The following LRRK2 variants were observed in gnomAD, a reference collection of about 807,000 sequenced individuals.
LRRK2 encodes the protein leucine rich repeat kinase 2, also known as leucine-rich repeat serine/threonine-protein kinase 2.
In LRRK2, 203 loss-of-function variants were observed where a neutral mutation model predicts 302.6. The ratio of observed to expected loss-of-function variants is 0.67; its 90% CI spans 0.60 to 0.75. The LOEUF is 0.75. Among genes scored for constraint, LRRK2 ranks in the 30% least tolerant of loss-of-function variants. The probability of loss-of-function intolerance (pLI) is 0.00; values close to 1 mark genes in which losing one functional copy is unlikely to be tolerated. For synonymous variants in LRRK2, 1,066 were observed against 1,031.9 expected (o/e 1.03, Z -0.63); for missense variants, 2,830 against 2,951.0 (o/e 0.96, Z 0.95).
chr12:40,273,954 G>A (rs551750020), intron 14 of LRRK2, among the ~76,000 whole-genome samples: 4 of 152,182 alleles, frequency 2.6e-5, no homozygotes, highest in East Asian at 3.9e-4. Flanking sequence ...GGATGATGTC[G>A]TAATTAAGAT....
At chr12:40,342,053 C>T (rs1946060765) in intron 41 of LRRK2, among the ~76,000 whole-genome samples, 1 of 152,190 alleles carries the variant, frequency 6.6e-6, no homozygotes, top group African/African-American at 2.4e-5. Context: ...CTGGACCACT[C>T]AGTTTCTTCT....
At chr12:40,282,508 A>G (rs1429638745) in intron 18 of LRRK2, among the ~76,000 whole-genome samples, 3 of 152,164 alleles carry the variant, frequency 2.0e-5, no homozygotes, top group Non-Finnish European at 2.9e-5. Context: ...TTCTTCAAGA[A>G]TGAACACCTT....
In LRRK2 at chr12:40,351,563, G is replaced by T. The variant is rs748336859; in HGVS notation, c.6406G>T (p.Glu2136Ter). 1.2e-6 allele frequency: 2 copies of T among 1,614,118 alleles called. No homozygotes were observed. The highest frequency in any genetic ancestry group is 1.7e-6 in the Non-Finnish European group (2 of 1,180,026). ...AQVFDILNSA[E>*]LVCLTRRILL... ...GGTCTTTGACATTTTGAATTCAGCT[G>T]AATTAGTCTGTCTGACGAGACGCAT... Residue 2136 changes from glutamate to a stop codon, truncating the protein, a stop_gained, in exon 44 of 51, where the codon GAA becomes TAA. Coordinates refer to ENST00000298910, the MANE Select transcript of LRRK2 (RefSeq NM_198578.4). LOFTEE classifies it high-confidence loss of function.
chr12:40,326,577 A>G (rs1054888969), intron 38 of LRRK2, among the ~76,000 whole-genome samples: 1 of 151,932 alleles, frequency 6.6e-6, no homozygotes, highest in African/African-American at 2.4e-5. Context: ...CTGCATTGCA[A>G]TTTTTCTTTG....
chr12:40,231,117 G>T (rs192395355), intron 2 of LRRK2, among the ~76,000 whole-genome samples: 1 of 152,040 alleles, frequency 6.6e-6, no homozygotes, highest in Admixed American at 6.5e-5. Flanking sequence ...TTCATTACTT[G>T]GGGAGCAGCC....
At chr12:40,315,441 C>T in intron 33 of LRRK2, 141 bp downstream of exon 33, 1 of 725,992 alleles carries the variant, frequency 1.4e-6, no homozygotes, top group Non-Finnish European at 2.5e-6. Flanking sequence ...GAACATTTCA[C>T]ATAGAAGACT....
intron 10 of LRRK2, among the ~76,000 whole-genome samples, chr12:40,252,594 A>G (rs2136484057): frequency 6.6e-6 from 1 of 152,266 alleles, no homozygotes; most frequent in Admixed American, 6.5e-5. Context: ...TACAATTTTC[A>G]GTTTTTCCTC....
intron 48 of LRRK2, among the ~76,000 whole-genome samples, chr12:40,364,006 C>A (rs1289962306): frequency 6.6e-6 from 1 of 151,920 alleles, no homozygotes; most frequent in East Asian, 1.9e-4. Flanking sequence ...ATCAAGACCC[C>A]AGAATGAGAG....
Position 40,348,465 on chromosome 12 carries a change from C to G in LRRK2, c.6337C>G (p.Gln2113Glu), listed in dbSNP as rs201513336. ...PWPMVEKLIK[Q>E]CLKENPQERP... The stretch of plus-strand genomic sequence containing the variant: ...GCCTATGGTTGAGAAATTAATTAAA[C>G]AGTGTTTGAAAGAAAATCCTCAAGA... Residue 2113 changes from glutamine to glutamate, a missense_variant, in exon 43 of 51, where the codon CAG (glutamine) becomes GAG (glutamate). Around this residue, in one of 3 missense-constraint regions of LRRK2, gnomAD observed 253 missense variants for 346.7 expected, o/e 0.73. Coordinates refer to ENST00000298910, the MANE Select transcript of LRRK2 (RefSeq NM_198578.4). 1 of 1,612,952 alleles carries G rather than the reference C, an allele frequency of 6.2e-7. No individual in the cohort carries two copies. The highest frequency in any genetic ancestry group is 8.5e-7 in the Non-Finnish European group (1 of 1,179,230).
At position 40,263,840 on chromosome 12, in the gene LRRK2, T is replaced by C; in HGVS notation, c.1595T>C (p.Met532Thr). Residue 532 changes from methionine to threonine, a missense_variant, in exon 14 of 51, where the codon ATG (methionine) becomes ACG (threonine). Met to Thr is a moderately conservative substitution (Grantham distance 81, BLOSUM62 -1). Transcript: ENST00000298910. Reference sequence around the variant, plus strand: ...ACAGAATTTCATCATAAGCTAAATATGGTTAAAAAACAGTGTTTCAAGAAT... The same window carrying C: ...ACAGAATTTCATCATAAGCTAAATACGGTTAAAAAACAGTGTTTCAAGAAT... ...EDTEFHHKLN[M>T]VKKQCFKNDI... is the part of the protein sequence containing the mutation. 6.2e-7 allele frequency: 1 copy of C among 1,613,260 alleles called. No homozygotes were observed. The highest frequency in any genetic ancestry group is 8.5e-7 in the Non-Finnish European group (1 of 1,179,492).
intron 43 of LRRK2, 88 bp downstream of exon 43, chr12:40,348,597 C>A: frequency 1.2e-6 from 1 of 808,036 alleles, no homozygotes; most frequent in Non-Finnish European, 2.1e-6. Context: ...TATACTTAAA[C>A]ACATAAACAC....
At chr12:40,283,802 G>A (rs577626206) in intron 18 of LRRK2, 73 bp from the exon 19 acceptor site, 52 of 1,333,838 alleles carry the variant, frequency 3.9e-5, no homozygotes, top group Non-Finnish European at 5.3e-5. Context: ...ATCACATGAA[G>A]TTTGATTTGC....
intron 47 of LRRK2, among the ~76,000 whole-genome samples, chr12:40,361,382 C>T (rs989615132): frequency 2.0e-5 from 3 of 151,988 alleles, no homozygotes; most frequent in African/African-American, 7.2e-5. Flanking sequence ...TCCAGGAATA[C>T]ATGTGCAGGT....
At chr12:40,354,844 ATAT>A (rs1174983121) in intron 45 of LRRK2, among the ~76,000 whole-genome samples, 59 of 9,434 alleles carry the variant, frequency 6.3e-3, no homozygotes, top group African/African-American at 9.2e-3. Flanking sequence ...AAAAAAAAAA[ATAT>A]ATATATATAT....
intron 14 of LRRK2, among the ~76,000 whole-genome samples, chr12:40,266,284 A>T (rs970712421): frequency 3.1e-4 from 47 of 152,144 alleles, no homozygotes; most frequent in African/African-American, 1.1e-3. Flanking sequence ...AGAATCTACA[A>T]TGAACTCCAA....
At chr12:40,269,921 A>C (rs1005176344) in intron 14 of LRRK2, among the ~76,000 whole-genome samples, 2 of 152,166 alleles carry the variant, frequency 1.3e-5, no homozygotes, top group Admixed American at 1.3e-4. Flanking sequence ...TTAGCTATAT[A>C]AAATTTTCTA....
Position 40,368,930 on chromosome 12 carries a change from C to A in LRRK2, c.*1165C>A, listed in dbSNP as rs200135922. Reference sequence around the variant, plus strand: ...ATTTCTGCTTTAGGAAAAGTACTTTCGGTAAATTCTTTGGCCCTGACCAGT... The same window carrying A: ...ATTTCTGCTTTAGGAAAAGTACTTTAGGTAAATTCTTTGGCCCTGACCAGT... On this transcript the variant is annotated 3_prime_UTR_variant, in exon 51 of 51. Coordinates refer to ENST00000298910, the MANE Select transcript of LRRK2 (RefSeq NM_198578.4). 1 of 151,806 alleles carries A rather than the reference C, an allele frequency of 6.6e-6. No individual in the cohort carries two copies. Among genetic ancestry groups the A allele is most frequent in the Non-Finnish European group, 1.5e-5 (1 of 67,756 alleles). The allele number at this position is 151,806 out of a possible 1,614,324, so 9.4% of individuals were successfully genotyped here. A position where few individuals can be genotyped will look rare whatever the true frequency, so the allele number is the denominator to read the frequency against.
Position 40,346,821 on chromosome 12 carries a change from G to C in LRRK2, c.6178G>C (p.Gly2060Arg), listed in dbSNP as rs1230386864. Residue 2060 changes from glycine to arginine, a missense_variant, in exon 42 of 51, where the codon GGT (glycine) becomes CGT (arginine). Physicochemically the swap from Gly to Arg is moderately radical, Grantham distance 125. Coordinates refer to ENST00000298910, the MANE Select transcript of LRRK2 (RefSeq NM_198578.4). ...YNQQADVYSF[G>R]LLLYDILTTG... is the part of the protein sequence containing the mutation. Reference sequence around the variant, plus strand: ...CCAACAGGCTGATGTTTATTCATTTGGTTTACTACTCTATGACATTTTGAC... The same window carrying C: ...CCAACAGGCTGATGTTTATTCATTTCGTTTACTACTCTATGACATTTTGAC... 6.2e-7 allele frequency: 1 copy of C among 1,613,780 alleles called. No homozygotes were observed. Among genetic ancestry groups the C allele is most frequent in the Non-Finnish European group, 8.5e-7 (1 of 1,179,906 alleles).
chr12:40,317,673 A>C (rs1425869630), intron 33 of LRRK2, among the ~76,000 whole-genome samples: 4 of 152,132 alleles, frequency 2.6e-5, no homozygotes, highest in African/African-American at 9.7e-5. Context: ...CCTTGATAAA[A>C]ATACATGGGA....
Sources: allele counts gnomAD v4.1 joint callset (sites outside exome capture counted in the v4.1 genomes callset), GRCh38; gene constraint gnomAD v4.1.1; regional missense constraint gnomAD v4.1.1; transcripts MANE v1.5; gene names NCBI Gene and HGNC (gene_info 2026-07-23, HGNC 2026-07-21).